The following VDR variants were observed in gnomAD, a reference collection of about 807,000 sequenced individuals.
VDR encodes vitamin D3 receptor.
A neutral mutation model predicts 39.7 loss-of-function variants in VDR; 19 were observed. The observed-to-expected ratio is 0.48, with a 90% confidence interval of 0.33 to 0.70. VDR has a LOEUF of 0.70. VDR is among the 30% of genes least tolerant of loss of function. The probability of loss-of-function intolerance (pLI) is 0.02; values close to 1 mark genes in which losing one functional copy is unlikely to be tolerated. For synonymous variants in VDR, 242 were observed against 215.8 expected (o/e 1.12, Z -1.07); for missense variants, 442 against 570.5 (o/e 0.77, Z 2.29).
At chr12:47,860,418 G>T (rs1181244687) in intron 4 of VDR, among the ~76,000 whole-genome samples, 1 of 152,160 alleles carries the variant, frequency 6.6e-6, no homozygotes, top group Non-Finnish European at 1.5e-5. Context: ...TTCAGGAAAG[G>T]CTAGTGAGTA....
intron 1 of VDR, chr12:47,901,361 A>G (rs1258965408): frequency 6.4e-6 from 1 of 155,416 alleles, no homozygotes; most frequent in Non-Finnish European, 1.5e-5. Flanking sequence ...ACATGTCGCC[A>G]CAGCGGGATG....
intron 1 of VDR, among the ~76,000 whole-genome samples, chr12:47,904,219 G>A (rs1305761256): frequency 1.3e-5 from 2 of 151,984 alleles, no homozygotes; most frequent in African/African-American, 4.8e-5. Context: ...TGGGTGAAGA[G>A]AAGGAGGGGC....
At chr12:47,873,346 G>GTT (rs1945924855) in intron 3 of VDR, among the ~76,000 whole-genome samples, 1 of 80,534 alleles carries the variant, frequency 1.2e-5, no homozygotes, top group Non-Finnish European at 2.4e-5. Flanking sequence ...AATTAAACCT[G>GTT]TTTTCTTTTT....
intron 3 of VDR, among the ~76,000 whole-genome samples, chr12:47,870,676 C>T (rs1945833505): frequency 6.6e-6 from 1 of 152,194 alleles, no homozygotes; most frequent in Non-Finnish European, 1.5e-5. Context: ...TAGGTGGCCT[C>T]TGCCAGCAGA....
At chr12:47,878,680 G>C in intron 3 of VDR, 1 of 501,092 alleles carries the variant, frequency 2.0e-6, no homozygotes, top group Non-Finnish European at 3.8e-6. Flanking sequence ...ATGGACACGT[G>C]GGTTGGTGTA....
chr12:47,848,049 G>A (rs1245831379), intron 7 of VDR, among the ~76,000 whole-genome samples: 5 of 152,080 alleles, frequency 3.3e-5, no homozygotes, highest in Admixed American at 2.0e-4. Flanking sequence ...ACAGGTGCCC[G>A]CCACCATGGC....
chr12:47,889,646 G>A lies in VDR; in HGVS notation c.-83-6872C>T, dbSNP rs139179551. On this transcript the variant is annotated intron_variant, in intron 1 of 9. Coordinates refer to ENST00000549336, the MANE Select transcript of VDR (RefSeq NM_000376.3). The stretch of plus-strand genomic sequence containing the variant: ...TACTTCCCAAGGATATCTGCTACAG[G>A]GAAAAGTTGATGAGACAAGGAGGCT... Among the ~76,000 whole-genome samples, 234 of 152,286 alleles carry A rather than the reference G, an allele frequency of 1.5e-3. 3 individuals are homozygous for A. The highest frequency in any genetic ancestry group is 2.9e-3 in the Admixed American group (45 of 15,306).
chr12:47,886,717 C>A (rs993903673), intron 1 of VDR, among the ~76,000 whole-genome samples: 5 of 152,234 alleles, frequency 3.3e-5, no homozygotes, highest in Admixed American at 6.5e-5. Flanking sequence ...AAGGCAACAG[C>A]ACCACCTAGT....
In VDR at chr12:47,857,821, C is replaced by T. The variant is rs778027901; in HGVS notation, c.278-133G>A. On this transcript the variant is annotated intron_variant, in intron 4 of 9. Coordinates refer to ENST00000549336, the MANE Select transcript of VDR (RefSeq NM_000376.3). ...GGGGCTCCCTCGGGGGTCCTCCTGC[C>T]ACGGAGACTCCCACTCCACTGTGTG... is the stretch of plus-strand genomic sequence containing the variant. 91 of 918,960 alleles carry T rather than the reference C, an allele frequency of 9.9e-5. 1 individual carries two copies. The highest frequency in any genetic ancestry group is 1.3e-4 in the Non-Finnish European group (82 of 616,338). 56.9% of individuals were successfully genotyped at this position (918,960 alleles called of 1,614,324 possible). A position where few individuals can be genotyped will look rare whatever the true frequency, so the allele number is the denominator to read the frequency against.
intron 1 of VDR, among the ~76,000 whole-genome samples, chr12:47,893,640 G>A (rs1946411573): frequency 6.6e-6 from 1 of 152,134 alleles, no homozygotes; most frequent in Non-Finnish European, 1.5e-5. Context: ...AGAGAGGTGA[G>A]TTGCCCACAG....
rs756353204 is a variant in VDR at position 47,878,872 on chromosome 12, G to C, written c.146+96C>G. The C allele has an allele frequency of 1.0e-5, 16 of 1,592,706 alleles. No individual in the cohort carries two copies. In the South Asian group the frequency reaches 1.8e-4, roughly 18 times the overall value. ...CCGCATGTTCCATGGACATTGTAAG[G>C]AAGGAGATGTGAAAAATGCAAGGGC... On this transcript the variant is annotated intron_variant, in intron 3 of 9. Coordinates refer to ENST00000549336, the MANE Select transcript of VDR (RefSeq NM_000376.3).
intron 7 of VDR, among the ~76,000 whole-genome samples, chr12:47,855,058 G>A (rs746759061): frequency 4.6e-5 from 7 of 151,884 alleles, no homozygotes; most frequent in Admixed American, 1.3e-4. Context: ...GGCAGGGCGC[G>A]ATGGCTCATG....
chr12:47,903,175 C>T (rs935734458), intron 1 of VDR, among the ~76,000 whole-genome samples: 7 of 152,204 alleles, frequency 4.6e-5, no homozygotes, highest in Non-Finnish European at 1.0e-4. Context: ...TTTCTAGTCC[C>T]TCCTTTAGCT....
chr12:47,860,540 A>G (rs1331787845), intron 4 of VDR, among the ~76,000 whole-genome samples: 1 of 152,264 alleles, frequency 6.6e-6, no homozygotes, highest in African/African-American at 2.4e-5. Context: ...TTTTCAAGAC[A>G]GAAAACCTTG....
At chr12:47,899,775 G>T in intron 1 of VDR, 1 of 485,006 alleles carries the variant, frequency 2.1e-6, no homozygotes, top group Non-Finnish European at 2.7e-6. Flanking sequence ...TGGGCAGGTG[G>T]CTGCATCTCT....
intron 8 of VDR, 89 bp downstream of exon 8, chr12:47,846,568 T>C (rs766090333): frequency 3.8e-6 from 6 of 1,585,594 alleles, no homozygotes; most frequent in African/African-American, 1.4e-5. Context: ...CTCCCTCCCA[T>C]GTATCTGATT....
At chr12:47,864,482 C>A (rs1945687891) in intron 4 of VDR, among the ~76,000 whole-genome samples, 1 of 152,196 alleles carries the variant, frequency 6.6e-6, no homozygotes, top group Non-Finnish European at 1.5e-5. Context: ...CTGGTCTCTC[C>A]CTGGCACAAG....
intron 1 of VDR, among the ~76,000 whole-genome samples, chr12:47,886,073 C>T (rs2137220952): frequency 6.6e-6 from 1 of 152,334 alleles, no homozygotes; most frequent in South Asian, 2.1e-4. Flanking sequence ...TAATTGTTGA[C>T]ATTGTTCCAA....
intron 1 of VDR, among the ~76,000 whole-genome samples, chr12:47,903,535 C>A (rs1490497344): frequency 1.3e-5 from 2 of 152,242 alleles, no homozygotes; most frequent in Non-Finnish European, 2.9e-5. Context: ...GACGGCAGGT[C>A]TCTCAACACA....
Sources: gnomAD v4.1 joint callset for allele counts (sites outside exome capture counted in the v4.1 genomes callset) on GRCh38, gnomAD v4.1.1 for gene constraint, MANE v1.5 for transcripts, NCBI Gene and HGNC (gene_info 2026-07-23, HGNC 2026-07-21) for gene names.